CELF2: variants seen among roughly 807,000 people sequenced by gnomAD.
The protein encoded by CELF2 is CUG triplet repeat RNA-binding protein 2.
In CELF2, 8 loss-of-function variants were observed where a neutral mutation model predicts 62.6. That is an observed-to-expected ratio of 0.13 (90% CI 0.07 to 0.23). The LOEUF (loss-of-function observed/expected upper bound fraction) is 0.23, where lower values mean the gene tolerates loss of function less well. Ranked by LOEUF, CELF2 falls within the 10% of genes least tolerant of loss-of-function variation. The probability of loss-of-function intolerance (pLI) is 1.00; values close to 1 mark genes in which losing one functional copy is unlikely to be tolerated. For missense variants in CELF2, 333 were observed against 671.0 expected, an observed-to-expected ratio of 0.50 and a Z score of 5.56; for synonymous variants, 258 against 250.0, an observed-to-expected ratio of 1.03 and a Z score of -0.30.
chr10:11,225,485 A>C (rs2066216661), intron 3 of CELF2, among the ~76,000 whole-genome samples: 1 of 152,174 alleles, frequency 6.6e-6, no homozygotes, highest in South Asian at 2.1e-4. Flanking sequence ...ACTGTGACTT[A>C]ACTTGGTTCT....
rs1410473153 is a variant in CELF2 at position 11,165,197 on chromosome 10, C to T, written c.75-289C>T. 4.0e-6 allele frequency: 5 copies of T among 1,250,796 alleles called. No homozygotes were observed. Among genetic ancestry groups the T allele is most frequent in the Non-Finnish European group, 2.0e-6 (2 of 993,072 alleles). The allele number at this position is 1,250,796 out of a possible 1,614,324, so 77.5% of individuals were successfully genotyped here. ...CTGCACTTAACTTGCAGCTGCCTCC[C>T]GAGCCTCCAAGATGTCCACGCCCTG... On this transcript the variant is annotated intron_variant, in intron 1 of 12. Coordinates refer to ENST00000633077, the MANE Select transcript of CELF2 (RefSeq NM_001326342.2). This position sits in a 1 kb window ranked among gnomAD's most constrained non-coding sequence, Gnocchi z 7.4.
chr10:10,494,762 G>A, the CELF2 span, among the ~76,000 whole-genome samples: 1 of 151,962 alleles, frequency 6.6e-6, no homozygotes, highest in Non-Finnish European at 1.5e-5. Context: ...ACTATCAAAG[G>A]CCTCTATAAA....
chr10:11,053,472 A>T (rs905224734), intron 1 of CELF2, among the ~76,000 whole-genome samples: 5 of 152,088 alleles, frequency 3.3e-5, no homozygotes, highest in Non-Finnish European at 7.4e-5. Context: ...ATTAGGGGGA[A>T]ATACTTTTTC....
chr10:10,488,910 A>G, the CELF2 span, among the ~76,000 whole-genome samples: 1 of 152,108 alleles, frequency 6.6e-6, no homozygotes, highest in East Asian at 1.9e-4. Flanking sequence ...CCCAACAGAG[A>G]CACAAAGAAC....
rs537538409 is a variant in CELF2 at position 11,146,415 on chromosome 10, C to T, written c.75-19071C>T. Reference sequence around the variant, plus strand: ...TGGATAAGATAATGTGTAAGCATAGCTGTGTTTCAGGTCTGAACAATCCAG... The same window carrying T: ...TGGATAAGATAATGTGTAAGCATAGTTGTGTTTCAGGTCTGAACAATCCAG... On this transcript the variant is annotated intron_variant, in intron 1 of 12. Transcript: ENST00000633077. 3.3e-5 allele frequency among the ~76,000 whole-genome samples: 5 copies of T among 152,308 alleles called. No individual in the cohort carries two copies. In the East Asian group the frequency reaches 9.6e-4, roughly 29 times the overall value.
chr10:10,636,570 A>G, the CELF2 span, among the ~76,000 whole-genome samples: 7 of 152,216 alleles, frequency 4.6e-5, no homozygotes, highest in African/African-American at 1.7e-4. Context: ...ATGGAAATAC[A>G]TGGCATCTTC....
upstream of CELF2, among the ~76,000 whole-genome samples, chr10:10,793,621 A>G (rs1438809125): frequency 1.3e-5 from 2 of 152,216 alleles, no homozygotes; most frequent in South Asian, 2.1e-4. Flanking sequence ...CAACTAGCCA[A>G]TCTTAGGACG....
intron 1 of CELF2, among the ~76,000 whole-genome samples, chr10:11,103,792 G>T (rs921437057): frequency 6.6e-6 from 1 of 152,126 alleles, no homozygotes; most frequent in Admixed American, 6.6e-5. Flanking sequence ...TAACAAGTGG[G>T]TGAATTCGTA....
At chr10:10,558,812 G>GT in the CELF2 span, among the ~76,000 whole-genome samples, 1 of 152,082 alleles carries the variant, frequency 6.6e-6, no homozygotes, top group Non-Finnish European at 1.5e-5. Context: ...AGATTTTCTA[G>GT]TTATTTGCCT....
At chr10:10,836,469 A>C (rs897873105) in intron 1 of CELF2, among the ~76,000 whole-genome samples, 1 of 152,218 alleles carries the variant, frequency 6.6e-6, no homozygotes, top group Non-Finnish European at 1.5e-5. Context: ...TAACAACAAC[A>C]ACCAACGCAT....
chr10:10,828,460 A>G (rs1233690639), intron 1 of CELF2, among the ~76,000 whole-genome samples: 2 of 152,184 alleles, frequency 1.3e-5, no homozygotes, highest in African/African-American at 4.8e-5. Context: ...TGCCCAGGAT[A>G]GTCAGATTCA....
chr10:10,500,685 T>C, the CELF2 span, among the ~76,000 whole-genome samples: 1 of 152,144 alleles, frequency 6.6e-6, no homozygotes, highest in Non-Finnish European at 1.5e-5. Context: ...ACTAATACAC[T>C]ATAGTACAAC....
At chr10:10,708,514 AAATAT>A in the CELF2 span, among the ~76,000 whole-genome samples, 1 of 152,208 alleles carries the variant, frequency 6.6e-6, no homozygotes, top group African/African-American at 2.4e-5. Flanking sequence ...AAAACTTAAC[AAATAT>A]AATATCAGTG....
chr10:10,873,156 T>C (rs1031146144), intron 1 of CELF2, among the ~76,000 whole-genome samples: 1 of 152,170 alleles, frequency 6.6e-6, no homozygotes, highest in Non-Finnish European at 1.5e-5. Context: ...TGTCATGAAA[T>C]CTAAGGCTGC....
chr10:10,741,721 T>G, the CELF2 span, among the ~76,000 whole-genome samples: 1 of 152,248 alleles, frequency 6.6e-6, no homozygotes, highest in East Asian at 1.9e-4. Flanking sequence ...CTTTGGTCAC[T>G]TGGTTAAGGC....
intron 7 of CELF2, among the ~76,000 whole-genome samples, chr10:11,271,118 G>A (rs957482389): frequency 2.6e-5 from 4 of 152,194 alleles, no homozygotes; most frequent in African/African-American, 4.8e-5. Flanking sequence ...ATGATGTAAC[G>A]AGAGGGAGGC....
intron 1 of CELF2, among the ~76,000 whole-genome samples, chr10:11,094,859 G>A (rs1320884635): frequency 6.6e-6 from 1 of 152,190 alleles, no homozygotes; most frequent in Non-Finnish European, 1.5e-5. Flanking sequence ...AAGAACTCTA[G>A]TGCAAAACCT....
intron 2 of CELF2, among the ~76,000 whole-genome samples, chr10:11,195,604 G>T: frequency 6.6e-6 from 1 of 152,228 alleles, no homozygotes; most frequent in East Asian, 1.9e-4. Context: ...ATTGGAATTA[G>T]AAGGAAGATT....
At chr10:11,307,766 GTTCT>G (rs2094335406) in intron 9 of CELF2, among the ~76,000 whole-genome samples, 1 of 152,184 alleles carries the variant, frequency 6.6e-6, no homozygotes, top group African/African-American at 2.4e-5. Flanking sequence ...ATAGAGTTGT[GTTCT>G]TTATTAAGAG....
Sources: allele counts gnomAD v4.1 joint callset (sites outside exome capture counted in the v4.1 genomes callset), GRCh38; gene constraint gnomAD v4.1.1; non-coding constraint Gnocchi (gnomAD v3.1); transcripts MANE v1.5; gene names NCBI Gene and HGNC (gene_info 2026-07-23, HGNC 2026-07-21).